The following HSPA12A variants were observed in gnomAD, a reference collection of about 807,000 sequenced individuals.
HSPA12A encodes heat shock protein family A (Hsp70) member 12A.
A neutral mutation model predicts 69.2 loss-of-function variants in HSPA12A; 28 were observed. The observed-to-expected ratio is 0.40, with a 90% CI of 0.30 to 0.55. The LOEUF (loss-of-function observed/expected upper bound fraction) is 0.55. Ranked by LOEUF, HSPA12A falls within the 20% of genes least tolerant of loss-of-function variation. The pLI is 0.38. For synonymous variants in HSPA12A, 345 were observed against 370.5 expected, an observed-to-expected ratio of 0.93 and a Z score of 0.79; for missense variants, 686 against 900.7, an observed-to-expected ratio of 0.76 and a Z score of 3.05.
intron 2 of HSPA12A, among the ~76,000 whole-genome samples, chr10:116,816,688 CATG>C (rs1339379351): frequency 2.0e-5 from 3 of 152,190 alleles, no homozygotes; most frequent in Non-Finnish European, 4.4e-5. Context: ...ATCTGCCACT[CATG>C]ATTTTTTTAA....
At position 116,688,585 on chromosome 10, in the gene HSPA12A, C is replaced by G. The variant is rs562019255; in HGVS notation, c.663+3766G>C. On this transcript the variant is annotated intron_variant, in intron 6 of 11. Coordinates refer to ENST00000369209, the MANE Select transcript of HSPA12A (RefSeq NM_025015.3). ...GTGTCCACAGCTGAGAAAAAATAGC[C>G]AGATCAGTTAAGAGCGCTGCTGGTC... Among the ~76,000 whole-genome samples the G allele has an allele frequency of 9.3e-4, 142 of 152,344 alleles. 2 individuals are homozygous for G. In the South Asian group the frequency reaches 0.027, roughly 29 times the overall value.
intron 1 of HSPA12A, among the ~76,000 whole-genome samples, chr10:116,716,441 T>C (rs1448290588): frequency 7.7e-6 from 1 of 129,038 alleles, no homozygotes; most frequent in African/African-American, 3.0e-5. Context: ...AAGGCAGGTG[T>C]GTGTTGGGGG....
rs545012149 is a variant in HSPA12A at position 116,761,621 on chromosome 10, G to A, written c.92-54336C>T. On this transcript the variant is annotated intron_variant, in intron 2 of 12. Transcript: ENST00000635765. ...AAATTAGCCAAGCATGGTAGTGCAC[G>A]TCTGGCTGGAGGATAGCTTGAGCCC... Among the ~76,000 whole-genome samples, 225 of 151,570 alleles carry A rather than the reference G, an allele frequency of 1.5e-3. 6 individuals are homozygous for A. In the South Asian group the frequency reaches 0.047, roughly 32 times the overall value.
At chr10:116,705,303 G>T in intron 2 of HSPA12A, 25 bp from the exon 3 acceptor site, 2 of 1,613,482 alleles carry the variant, frequency 1.2e-6, no homozygotes, top group South Asian at 1.1e-5. Flanking sequence ...TGAGGCATGG[G>T]GGGTGTGGAG....
intron 6 of HSPA12A, 126 bp from the exon 7 acceptor site, chr10:116,684,088 T>G: frequency 9.2e-6 from 7 of 757,484 alleles, no homozygotes; most frequent in Non-Finnish European, 1.4e-5. Context: ...GGACATTCTC[T>G]ACACAGTCCT....
intron 2 of HSPA12A, among the ~76,000 whole-genome samples, chr10:116,815,708 T>G (rs562396674): frequency 5.3e-4 from 80 of 152,280 alleles, no homozygotes; most frequent in African/African-American, 1.5e-3. Flanking sequence ...TCATTTTCCC[T>G]CGGGCCACTC....
intron 1 of HSPA12A, among the ~76,000 whole-genome samples, chr10:116,846,467 A>G (rs1200952363): frequency 1.3e-5 from 2 of 151,824 alleles, no homozygotes; most frequent in African/African-American, 4.8e-5. Context: ...CTCCTGCCTC[A>G]GCCTCCCGAG....
intron 2 of HSPA12A, chr10:116,830,338 C>A (rs1198511668): frequency 1.3e-5 from 2 of 152,190 alleles, no homozygotes; most frequent in East Asian, 3.9e-4. Flanking sequence ...TTCCTCCAGA[C>A]TGCAACTGAT....
chr10:116,695,008 C>G (rs1456707247), intron 5 of HSPA12A, among the ~76,000 whole-genome samples: 1 of 152,106 alleles, frequency 6.6e-6, no homozygotes, highest in Non-Finnish European at 1.5e-5. Flanking sequence ...TCCCCTGTCC[C>G]CTTGTCCCCT....
At chr10:116,793,195 T>C (rs1043492057) in intron 2 of HSPA12A, among the ~76,000 whole-genome samples, 1 of 152,160 alleles carries the variant, frequency 6.6e-6, no homozygotes, top group Non-Finnish European at 1.5e-5. Context: ...AGTTTAAAGA[T>C]CTAAAATGCA....
At chr10:116,841,297 T>A (rs1404740989) in intron 1 of HSPA12A, among the ~76,000 whole-genome samples, 1 of 152,226 alleles carries the variant, frequency 6.6e-6, no homozygotes, top group Non-Finnish European at 1.5e-5. Context: ...CATTTCCATT[T>A]TAGAAATCAT....
At chr10:116,709,832 A>C (rs1850372275) in intron 1 of HSPA12A, among the ~76,000 whole-genome samples, 3 of 152,200 alleles carry the variant, frequency 2.0e-5, no homozygotes, top group African/African-American at 7.2e-5. Flanking sequence ...TACACTTAAA[A>C]TGGTTTAAGT....
At chr10:116,690,958 C>T (rs1849718836) in intron 6 of HSPA12A, among the ~76,000 whole-genome samples, 1 of 152,236 alleles carries the variant, frequency 6.6e-6, no homozygotes, top group African/African-American at 2.4e-5. Context: ...TCTCTGCAGA[C>T]AGCTGTGTCC....
At chr10:116,743,264 G>A (rs745937930), upstream of HSPA12A, among the ~76,000 whole-genome samples, 55 of 152,182 alleles carry the variant, frequency 3.6e-4, no homozygotes, top group Non-Finnish European at 6.2e-4. Flanking sequence ...ATAATGCAAG[G>A]CTTCAGTTGT....
chr10:116,696,022 A>AAAAAAAAAAAAAAAAAAAC lies in HSPA12A; in HGVS notation c.546+2612_546+2613insGTTTTTTTTTTTTTTTTTT, dbSNP rs1554880844. On this transcript the variant is annotated intron_variant, in intron 5 of 11. Coordinates refer to ENST00000369209, the MANE Select transcript of HSPA12A (RefSeq NM_025015.3). ...CATCTCAAAAAAAAAAAAAAAAAAA[A>AAAAAAAAAAAAAAAAAAAC]AGGCTTGCAGGTTTCAGGAGTGCGT... 2.5e-4 allele frequency among the ~76,000 whole-genome samples: 37 copies of AAAAAAAAAAAAAAAAAAAC among 148,568 alleles called. 1 individual carries two copies. The highest frequency in any genetic ancestry group is 4.0e-4 in the Non-Finnish European group (27 of 67,102).
Position 116,710,572 on chromosome 10 carries a change from T to C in HSPA12A, c.41-3287A>G, listed in dbSNP as rs983552069. Among the ~76,000 whole-genome samples the C allele has an allele frequency of 9.9e-5, 15 of 152,156 alleles. No individual in the cohort carries two copies. Among genetic ancestry groups the C allele is most frequent in the Non-Finnish European group, 1.8e-4 (12 of 68,034 alleles). On this transcript the variant is annotated intron_variant, in intron 1 of 11. Transcript: ENST00000369209. The surrounding 1 kb of genome is among the most constrained non-coding windows in gnomAD (Gnocchi z 4.1). ...CAACCCCACGGCAACTGGGCCAATA[T>C]TAAACAAATCATTTGACTTGCTGAT...
chr10:116,684,034 G>T, intron 6 of HSPA12A, 72 bp from the exon 7 acceptor site: 1 of 1,335,762 alleles, frequency 7.5e-7, no homozygotes, highest in South Asian at 1.5e-5. Flanking sequence ...CCCGTGCCTG[G>T]ACTGACATCC....
chr10:116,697,810 A>C (rs1236989931), intron 5 of HSPA12A, among the ~76,000 whole-genome samples: 5 of 152,106 alleles, frequency 3.3e-5, no homozygotes, highest in Non-Finnish European at 7.4e-5. Flanking sequence ...AAAGAAACTC[A>C]TATCCTTCAG....
rs1441242806 is a variant in HSPA12A at position 116,710,193 on chromosome 10, A to C, written c.41-2908T>G. Among the ~76,000 whole-genome samples the C allele has an allele frequency of 1.3e-5, 2 of 152,168 alleles. No homozygotes were observed. Among genetic ancestry groups the C allele is most frequent in the African/African-American group, 4.8e-5 (2 of 41,444 alleles). ...CACAGCCCTTGGGCAGCCTGCGGAG[A>C]AATGCCATCAGCACCAGAAGCCACC... On this transcript the variant is annotated intron_variant, in intron 1 of 11. Transcript: ENST00000369209. The surrounding 1 kb of genome is among the most constrained non-coding windows in gnomAD (Gnocchi z 4.1).
Sources: gnomAD v4.1 joint callset for allele counts (sites outside exome capture counted in the v4.1 genomes callset) on GRCh38, gnomAD v4.1.1 for gene constraint, Gnocchi (gnomAD v3.1) non-coding constraint, MANE v1.5 for transcripts, NCBI Gene and HGNC (gene_info 2026-07-23, HGNC 2026-07-21) for gene names.